Variants in TEX10 observed in about 807,000 individuals in gnomAD.
The protein encoded by TEX10 is testis-expressed protein 10.
TEX10 carries 24 observed loss-of-function variants against 104.4 expected under a neutral mutation model. That is an observed-to-expected ratio of 0.23 (90% CI 0.17 to 0.32). The LOEUF (loss-of-function observed/expected upper bound fraction) is 0.32. TEX10 is among the 10% of genes least tolerant of loss of function. The probability of loss-of-function intolerance (pLI) is 1.00; values close to 1 mark genes in which losing one functional copy is unlikely to be tolerated. For synonymous variants in TEX10, 396 were observed against 393.4 expected, an observed-to-expected ratio of 1.01 and a Z score of -0.08; for missense variants, 921 against 1,083.9, an observed-to-expected ratio of 0.85 and a Z score of 2.11.
rs980674823 is a variant in TEX10, at chr9:100,326,552, A to G, written c.1802-73T>C. On this transcript the variant is annotated intron_variant, in intron 8 of 14. Coordinates refer to ENST00000374902, the MANE Select transcript of TEX10 (RefSeq NM_017746.4). ...AACCAGAGATTAATAAAGCAGATCA[A>G]TGACTTCCATTGAATTATGGGCTAA... 9 of 1,429,112 alleles carry G rather than the reference A, an allele frequency of 6.3e-6. No individual in the cohort carries two copies. In the African/African-American group the frequency reaches 1.3e-4, roughly 20 times the overall value. 88.5% of individuals were successfully genotyped at this position (1,429,112 alleles called of 1,614,324 possible).
At chr9:100,349,021 A>G (rs756197071) in intron 2 of TEX10, among the ~76,000 whole-genome samples, 163 bp downstream of exon 2, 1 of 152,242 alleles carries the variant, frequency 6.6e-6, no homozygotes, top group Admixed American at 6.5e-5. Flanking sequence ...ACACAGCTGC[A>G]TGAGAGATCT....
chr9:100,328,693 C>T (rs958653751), intron 7 of TEX10, among the ~76,000 whole-genome samples: 1 of 152,190 alleles, frequency 6.6e-6, no homozygotes, highest in African/African-American at 2.4e-5. Context: ...CTCAAACTCA[C>T]CTTATTGAAA....
At chr9:100,325,104 T>G (rs541001049) in intron 9 of TEX10, among the ~76,000 whole-genome samples, 4 of 152,320 alleles carry the variant, frequency 2.6e-5, no homozygotes, top group African/African-American at 9.6e-5. Flanking sequence ...TGAAGCACAC[T>G]TCCAGTGACC....
At chr9:100,307,458 A>T (rs1351854859) in intron 13 of TEX10, 1 of 152,220 alleles carries the variant, frequency 6.6e-6, no homozygotes, top group Non-Finnish European at 1.5e-5. Context: ...GGAGAAATAA[A>T]AACGAATGAA....
chr9:100,324,996 A>G (rs1834666677), intron 9 of TEX10, among the ~76,000 whole-genome samples: 1 of 152,244 alleles, frequency 6.6e-6, no homozygotes, highest in African/African-American at 2.4e-5. Flanking sequence ...TAATGTGCAT[A>G]TACAAGGAAG....
At chr9:100,347,857 G>GA (rs892304191) in intron 2 of TEX10, among the ~76,000 whole-genome samples, 25 of 147,078 alleles carry the variant, frequency 1.7e-4, no homozygotes, top group South Asian at 6.5e-4. Flanking sequence ...TAACCTTTGG[G>GA]AAAAAAAAAA....
rs994158394 is a variant in TEX10 at position 100,343,144 on chromosome 9, A to T, written c.1138-2775T>A. 5.5e-5 allele frequency among the ~76,000 whole-genome samples: 8 copies of T among 146,488 alleles called. 1 individual carries two copies. The highest frequency in any genetic ancestry group is 2.2e-4 in the South Asian group (1 of 4,572). On this transcript the variant is annotated intron_variant, in intron 4 of 14. Coordinates refer to ENST00000374902, the MANE Select transcript of TEX10 (RefSeq NM_017746.4). ...TGAGTGAGACTCCGTCTCCAAAAAAAAATAAATAAAAATAAATAAAAACTA... is the reference window on the plus strand; with the variant it reads ...TGAGTGAGACTCCGTCTCCAAAAAATAATAAATAAAAATAAATAAAAACTA...
intron 5 of TEX10, among the ~76,000 whole-genome samples, chr9:100,337,715 C>A (rs995565381): frequency 1.4e-4 from 21 of 152,150 alleles, no homozygotes; most frequent in African/African-American, 4.8e-4. Context: ...CAGACTGGAC[C>A]CAGATCCACG....
intron 5 of TEX10, among the ~76,000 whole-genome samples, chr9:100,335,784 C>T (rs1389024195): frequency 6.6e-6 from 1 of 151,654 alleles, no homozygotes; most frequent in African/African-American, 2.4e-5. Context: ...TGTGAAAGTA[C>T]TTAATGCCAC....
chr9:100,312,159 C>A (rs1385618075), intron 11 of TEX10, among the ~76,000 whole-genome samples: 1 of 152,200 alleles, frequency 6.6e-6, no homozygotes, highest in Admixed American at 6.5e-5. Context: ...TAATCCAAAC[C>A]ACATTTGAAA....
chr9:100,343,350 A>G (rs1409551043), intron 4 of TEX10, among the ~76,000 whole-genome samples: 6 of 139,416 alleles, frequency 4.3e-5, no homozygotes, highest in African/African-American at 1.6e-4. Flanking sequence ...AAAAAAAAAG[A>G]AAGAAAGAAA....
chr9:100,340,997 C>G (rs182647879), intron 4 of TEX10, among the ~76,000 whole-genome samples: 1 of 151,894 alleles, frequency 6.6e-6, no homozygotes, highest in Non-Finnish European at 1.5e-5. Context: ...GATGAAGTCT[C>G]GCTCTGTCGC....
At chr9:100,349,752 G>T (rs973567459) in intron 1 of TEX10, among the ~76,000 whole-genome samples, 1 of 152,032 alleles carries the variant, frequency 6.6e-6, no homozygotes, top group African/African-American at 2.4e-5. Context: ...CCTGGGCTTC[G>T]TAAGAGCCTC....
intron 14 of TEX10, among the ~76,000 whole-genome samples, chr9:100,302,846 A>G (rs1375479508): frequency 1.3e-5 from 2 of 152,210 alleles, no homozygotes; most frequent in Non-Finnish European, 2.9e-5. Flanking sequence ...ATATGCATGT[A>G]AAAGCACTAT....
At chr9:100,334,045 C>T (rs1245966301) in intron 5 of TEX10, among the ~76,000 whole-genome samples, 1 of 152,084 alleles carries the variant, frequency 6.6e-6, no homozygotes, top group East Asian at 1.9e-4. Context: ...GTAGATGTAA[C>T]ATGCATTAAA....
chr9:100,347,445 T>G, intron 2 of TEX10, 39 bp from the exon 3 acceptor site: 1 of 1,464,000 alleles, frequency 6.8e-7, no homozygotes, highest in Non-Finnish European at 9.1e-7. Context: ...TATACTTATA[T>G]ACATGTATCA....
In TEX10 at chr9:100,308,585, G is replaced by A; in HGVS notation, c.2380C>T (p.Leu794=). The change falls in exon 13 of 15, where the codon CTG becomes TTG. Residue 794 remains leucine (L), a synonymous_variant. Coordinates refer to ENST00000374902, the MANE Select transcript of TEX10 (RefSeq NM_017746.4). The part of the protein sequence containing the change: ...DHTCVVSETL[L]PFLASCCYSL... ...TAGCAACAAGAAGCCAGAAATGGCA[G>A]TAGAGTCTCACTAACTACACAAGTA... 1 of 1,613,464 alleles carries A rather than the reference G, an allele frequency of 6.2e-7. No homozygotes were observed. Among genetic ancestry groups the A allele is most frequent in the South Asian group, 1.1e-5 (1 of 90,952 alleles).
intron 7 of TEX10, 75 bp from the exon 8 acceptor site, chr9:100,328,037 T>G: frequency 1.6e-6 from 2 of 1,258,632 alleles, no homozygotes; most frequent in Non-Finnish European, 2.1e-6. Flanking sequence ...AAAAAAATTT[T>G]TTTTTAACTT....
In TEX10 at chr9:100,349,374, T is replaced by C. The variant is rs748129470; in HGVS notation, c.-9-2A>G. The C allele has an allele frequency of 3.2e-6, 5 of 1,543,430 alleles. No individual in the cohort carries two copies. Among genetic ancestry groups the C allele is most frequent in the Non-Finnish European group, 3.5e-6 (4 of 1,149,358 alleles). ...TCTTTTTTTAGTCATTCTCGACTACTATAATGAAAAGAATTAATTAAAAGC... is the reference window on the plus strand; with the variant it reads ...TCTTTTTTTAGTCATTCTCGACTACCATAATGAAAAGAATTAATTAAAAGC... On this transcript the variant is annotated splice_acceptor_variant, in intron 1 of 14. Transcript: ENST00000374902. LOFTEE classifies it low-confidence loss of function (5UTR_SPLICE).
Sources: gnomAD v4.1 joint callset for allele counts (sites outside exome capture counted in the v4.1 genomes callset) on GRCh38, gnomAD v4.1.1 for gene constraint, MANE v1.5 for transcripts, NCBI Gene and HGNC (gene_info 2026-07-23, HGNC 2026-07-21) for gene names.